The following IMMP2L variants were observed in gnomAD, a reference collection of about 807,000 sequenced individuals.
The protein encoded by IMMP2L is mitochondrial inner membrane protease subunit 2.
Under a neutral mutation model 19.3 loss-of-function variants are expected in IMMP2L, and 18 were observed. The ratio of observed to expected loss-of-function variants is 0.93; its 90% CI spans 0.64 to 1.38. The LOEUF (loss-of-function observed/expected upper bound fraction) is 1.38, where lower values mean the gene tolerates loss of function less well. IMMP2L is among the 40% of genes most tolerant of loss of function. The pLI is 0.00. For synonymous variants in IMMP2L, 76 were observed against 73.0 expected (o/e 1.04, Z -0.21); for missense variants, 233 against 218.2 (o/e 1.07, Z -0.43).
chr7:111,083,371 G>A (rs1226122909), intron 3 of IMMP2L, among the ~76,000 whole-genome samples: 1 of 152,270 alleles, frequency 6.6e-6, no homozygotes, highest in South Asian at 2.1e-4. Flanking sequence ...CCAATTAGGA[G>A]AATAAAAATA....
chr7:110,775,322 G>A (rs965333112), intron 5 of IMMP2L, among the ~76,000 whole-genome samples: 3 of 151,000 alleles, frequency 2.0e-5, no homozygotes, highest in Non-Finnish European at 4.4e-5. Flanking sequence ...CTTAAAGTGT[G>A]TACATTTACA....
At chr7:111,377,594 A>C (rs1415934710) in intron 3 of IMMP2L, among the ~76,000 whole-genome samples, 1 of 151,990 alleles carries the variant, frequency 6.6e-6, no homozygotes, top group Non-Finnish European at 1.5e-5. Flanking sequence ...TCTGCCAATG[A>C]ACTGTCTCAG....
intron 3 of IMMP2L, among the ~76,000 whole-genome samples, chr7:111,344,034 T>A (rs1827290781): frequency 6.6e-6 from 1 of 152,142 alleles, no homozygotes; most frequent in Non-Finnish European, 1.5e-5. Context: ...ATTTTTTCTA[T>A]ACTCACAGTA....
chr7:110,982,928 C>T (rs1259497668), intron 3 of IMMP2L, among the ~76,000 whole-genome samples: 1 of 151,966 alleles, frequency 6.6e-6, no homozygotes, highest in African/African-American at 2.4e-5. Context: ...CTTAGTTTCC[C>T]AAAACAGAAA....
At chr7:111,016,228 T>C (rs888695321) in intron 3 of IMMP2L, among the ~76,000 whole-genome samples, 1 of 151,180 alleles carries the variant, frequency 6.6e-6, no homozygotes, top group African/African-American at 2.4e-5. Flanking sequence ...TTGTGTTTCA[T>C]CTAGGTTAAA....
At chr7:110,862,956 C>T (rs1359129007) in intron 5 of IMMP2L, among the ~76,000 whole-genome samples, 1 of 152,076 alleles carries the variant, frequency 6.6e-6, no homozygotes, top group African/African-American at 2.4e-5. Flanking sequence ...AGACCCACCT[C>T]CTATAACGCC....
At position 111,170,001 on chromosome 7, in the gene IMMP2L, T is replaced by C. The variant is rs557248756; in HGVS notation, c.240-206436A>G. 1.1e-4 allele frequency among the ~76,000 whole-genome samples: 17 copies of C among 152,050 alleles called. No individual in the cohort carries two copies. The South Asian group carries it at 3.5e-3, about 32-fold the overall frequency. ...TCCGGTTTCACAAAAGATATGTAGA[T>C]ATAAAAATGATTTGTAATAGCACAT... On this transcript the variant is annotated intron_variant, in intron 3 of 5. Transcript: ENST00000405709.
chr7:111,397,715 C>T (rs929875613), intron 3 of IMMP2L, among the ~76,000 whole-genome samples: 6 of 152,034 alleles, frequency 3.9e-5, no homozygotes, highest in South Asian at 4.1e-4. Flanking sequence ...ATGACCTTTG[C>T]CTATTATCCT....
chr7:110,971,790 CAT>C (rs1449539371), intron 3 of IMMP2L, among the ~76,000 whole-genome samples: 1 of 151,974 alleles, frequency 6.6e-6, no homozygotes, highest in Non-Finnish European at 1.5e-5. Flanking sequence ...GTCTTTATTG[CAT>C]ATCTCTTTTG....
chr7:111,311,457 T>C (rs1020900698), intron 3 of IMMP2L, among the ~76,000 whole-genome samples: 9 of 152,146 alleles, frequency 5.9e-5, no homozygotes, highest in African/African-American at 1.9e-4. Context: ...AAGAGCCATG[T>C]ATGGTAATCC....
At position 111,123,621 on chromosome 7, in the gene IMMP2L, G is replaced by T. The variant is rs1459160334; in HGVS notation, c.240-160056C>A. 6.2e-7 allele frequency: 1 copy of T among 1,613,576 alleles called. No individual in the cohort carries two copies. The highest frequency in any genetic ancestry group is 8.5e-7 in the Non-Finnish European group (1 of 1,179,806). ...TACGAAGGGGTGATTTTAGCAATATGCTACACTTAAAAGAGTTGGGGATAA... is the reference window on the plus strand; with the variant it reads ...TACGAAGGGGTGATTTTAGCAATATTCTACACTTAAAAGAGTTGGGGATAA... On this transcript the variant is annotated intron_variant, in intron 3 of 5. Coordinates refer to ENST00000405709, the MANE Select transcript of IMMP2L (RefSeq NM_032549.4). This position sits in a 1 kb window ranked among gnomAD's most constrained non-coding sequence, Gnocchi z 6.4.
chr7:111,232,370 AG>A (rs1398831862), intron 3 of IMMP2L, among the ~76,000 whole-genome samples: 2 of 148,918 alleles, frequency 1.3e-5, no homozygotes, highest in African/African-American at 4.9e-5. Flanking sequence ...TTCATTTTGG[AG>A]GGTTTTTTTT....
chr7:111,226,923 G>T (rs1798493865), intron 3 of IMMP2L, among the ~76,000 whole-genome samples: 1 of 152,046 alleles, frequency 6.6e-6, no homozygotes, highest in Non-Finnish European at 1.5e-5. Context: ...CAAATTTATT[G>T]TTCAAGATAA....
chr7:111,278,941 G>A (rs187032717), intron 3 of IMMP2L, among the ~76,000 whole-genome samples: 19 of 151,890 alleles, frequency 1.3e-4, no homozygotes, highest in Non-Finnish European at 2.5e-4. Flanking sequence ...TCAGTTCTAT[G>A]AGAATGAAAT....
intron 3 of IMMP2L, among the ~76,000 whole-genome samples, chr7:111,454,885 A>G (rs1035726256): frequency 2.0e-5 from 3 of 152,108 alleles, no homozygotes; most frequent in Non-Finnish European, 4.4e-5. Flanking sequence ...AACATCAGGT[A>G]ATCATCTTTC....
intron 3 of IMMP2L, among the ~76,000 whole-genome samples, chr7:111,414,660 G>C (rs1381121612): frequency 6.6e-6 from 1 of 151,744 alleles, no homozygotes. Flanking sequence ...CTAATGTATA[G>C]ACTTTAGTTA....
intron 5 of IMMP2L, among the ~76,000 whole-genome samples, chr7:110,878,075 C>G (rs1809256841): frequency 6.6e-6 from 1 of 152,042 alleles, no homozygotes; most frequent in African/African-American, 2.4e-5. Context: ...GCCACAGATT[C>G]TTGTACACTC....
rs567461795 is a variant in IMMP2L, at chr7:111,380,985, T to C, written c.239+106253A>G. Among the ~76,000 whole-genome samples, 24 of 151,978 alleles carry C rather than the reference T, an allele frequency of 1.6e-4. No homozygotes were observed. In the East Asian group the frequency reaches 4.6e-3, roughly 29 times the overall value. On this transcript the variant is annotated intron_variant, in intron 3 of 5. Coordinates refer to ENST00000405709, the MANE Select transcript of IMMP2L (RefSeq NM_032549.4). ...ATTTTCCATGTTTCCAGAATGAGAG[T>C]GCAAATCTGAGCACCGTATTTAAAA...
At chr7:111,555,176 TTTG>T (rs1791130508) in intron 1 of IMMP2L, among the ~76,000 whole-genome samples, 2 of 152,132 alleles carry the variant, frequency 1.3e-5, no homozygotes, top group South Asian at 4.1e-4. Context: ...GATTTTTATG[TTTG>T]TTATCATTAT....
Sources: gnomAD v4.1 joint callset for allele counts (sites outside exome capture counted in the v4.1 genomes callset) on GRCh38, gnomAD v4.1.1 for gene constraint, Gnocchi (gnomAD v3.1) non-coding constraint, MANE v1.5 for transcripts, NCBI Gene and HGNC (gene_info 2026-07-23, HGNC 2026-07-21) for gene names.